Variants in NELL1 observed in about 807,000 individuals in gnomAD.
NELL1 encodes the protein neural EGFL like 1.
Under a neutral mutation model 107.4 loss-of-function variants are expected in NELL1, and 76 were observed. That is an observed-to-expected ratio of 0.71 (90% CI 0.59 to 0.86). NELL1 has a LOEUF of 0.86. Among genes scored for constraint, NELL1 ranks in the 40% least tolerant of loss-of-function variants. The probability of loss-of-function intolerance (pLI) is 0.00; values close to 1 mark genes in which losing one functional copy is unlikely to be tolerated. For synonymous variants in NELL1, 353 were observed against 341.2 expected, an observed-to-expected ratio of 1.03 and a Z score of -0.38; for missense variants, 1,024 against 1,005.5, an observed-to-expected ratio of 1.02 and a Z score of -0.25.
chr11:20,739,648 G>A (rs530045014), intron 2 of NELL1, among the ~76,000 whole-genome samples: 7 of 152,286 alleles, frequency 4.6e-5, no homozygotes, highest in South Asian at 4.1e-4. Context: ...GACCTGCAAT[G>A]GGATTTGGGT....
chr11:21,371,894 G>A (rs1273143171), intron 15 of NELL1, among the ~76,000 whole-genome samples: 2 of 151,914 alleles, frequency 1.3e-5, no homozygotes, highest in African/African-American at 4.8e-5. Context: ...TCTGAATTTA[G>A]ATAACATTTT....
intron 12 of NELL1, among the ~76,000 whole-genome samples, chr11:21,083,289 G>A (rs1854311690): frequency 1.3e-5 from 2 of 152,282 alleles, no homozygotes; most frequent in Middle Eastern, 3.4e-3. Flanking sequence ...TACTCATATG[G>A]CATCAAATGG....
chr11:21,575,004 G>GTGTC lies in NELL1; in HGVS notation c.2417_2420dup (p.Gln808SerfsTer4). 3 of 1,610,688 alleles carry GTGTC rather than the reference G, an allele frequency of 1.9e-6. No homozygotes were observed. Among genetic ancestry groups the GTGTC allele is most frequent in the Non-Finnish European group, 1.7e-6 (2 of 1,177,780 alleles). On this transcript the variant is annotated frameshift_variant, in exon 20 of 20. Coordinates refer to ENST00000357134, the MANE Select transcript of NELL1 (RefSeq NM_006157.5). LOFTEE classifies it high-confidence loss of function. ...GAGTCTGTTGTTCTGTGGATTTTGA[G>GTGTC]TGTCTTCAAAATAATTGAAGTATTT...
intron 15 of NELL1, among the ~76,000 whole-genome samples, chr11:21,485,521 G>A (rs770632380): frequency 6.6e-6 from 1 of 151,954 alleles, no homozygotes; most frequent in Non-Finnish European, 1.5e-5. Flanking sequence ...GAAGGGAGAA[G>A]GGAAGCTAGG....
At chr11:21,421,892 G>T (rs1213076837) in intron 15 of NELL1, among the ~76,000 whole-genome samples, 5 of 152,108 alleles carry the variant, frequency 3.3e-5, no homozygotes, top group Admixed American at 3.3e-4. Flanking sequence ...CTGGAAAGCG[G>T]CAAGAGAGAA....
intron 14 of NELL1, among the ~76,000 whole-genome samples, chr11:21,239,188 G>T (rs931822720): frequency 6.6e-6 from 1 of 151,852 alleles, no homozygotes; most frequent in Admixed American, 6.6e-5. Flanking sequence ...AGAACCTATG[G>T]TGTTTCTTGC....
intron 3 of NELL1, among the ~76,000 whole-genome samples, chr11:20,834,230 A>G (rs1848489214): frequency 1.3e-5 from 2 of 152,194 alleles, no homozygotes; most frequent in African/African-American, 4.8e-5. Flanking sequence ...TTGGAACAGA[A>G]GCGATAGAAC....
At chr11:21,569,334 T>C (rs11600099) in intron 17 of NELL1, among the ~76,000 whole-genome samples, 1 of 151,908 alleles carries the variant, frequency 6.6e-6, no homozygotes, top group Admixed American at 6.6e-5. Context: ...CTCAGCTACC[T>C]CATTTGAGAA....
chr11:20,682,434 C>T (rs558581647), intron 2 of NELL1, among the ~76,000 whole-genome samples: 3 of 151,918 alleles, frequency 2.0e-5, no homozygotes, highest in Admixed American at 6.6e-5. Context: ...GTATTTTACA[C>T]TTAAAACACA....
At chr11:21,321,490 A>G (rs1850009602) in intron 14 of NELL1, among the ~76,000 whole-genome samples, 1 of 152,172 alleles carries the variant, frequency 6.6e-6, no homozygotes. Flanking sequence ...TATAAATGTT[A>G]TCTTAAAAAA....
intron 3 of NELL1, among the ~76,000 whole-genome samples, chr11:20,828,516 AG>A (rs1395687862): frequency 6.6e-6 from 1 of 152,186 alleles, no homozygotes; most frequent in Non-Finnish European, 1.5e-5. Flanking sequence ...AATTTAACCT[AG>A]GGAGCTTGTT....
intron 15 of NELL1, among the ~76,000 whole-genome samples, chr11:21,397,494 C>T (rs1179265172): frequency 2.0e-5 from 3 of 151,342 alleles, no homozygotes; most frequent in South Asian, 4.2e-4. Context: ...CTAGTATTTC[C>T]GTGTACGTAC....
At chr11:21,187,923 G>A (rs891498131) in intron 13 of NELL1, among the ~76,000 whole-genome samples, 5 of 151,838 alleles carry the variant, frequency 3.3e-5, no homozygotes, top group Admixed American at 2.0e-4. Context: ...AATCTTATCT[G>A]ACTTTTAGAA....
chr11:21,484,294 G>A (rs940432185), intron 15 of NELL1, among the ~76,000 whole-genome samples: 10 of 150,956 alleles, frequency 6.6e-5, no homozygotes, highest in Non-Finnish European at 1.5e-4. Context: ...ATCTCCTTAT[G>A]CCCCGAGAAA....
chr11:21,501,714 G>A (rs1158466687), intron 15 of NELL1, among the ~76,000 whole-genome samples: 2 of 152,188 alleles, frequency 1.3e-5, no homozygotes, highest in Non-Finnish European at 2.9e-5. Flanking sequence ...TAATGCAATG[G>A]AGTAGGTTTT....
intron 15 of NELL1, among the ~76,000 whole-genome samples, chr11:21,403,372 C>G (rs1015259096): frequency 3.3e-5 from 5 of 151,676 alleles, no homozygotes; most frequent in African/African-American, 1.2e-4. Flanking sequence ...GAAATCCAAT[C>G]CAACCTATCT....
intron 14 of NELL1, among the ~76,000 whole-genome samples, chr11:21,337,749 TTTC>T (rs2133696667): frequency 7.4e-6 from 1 of 134,668 alleles, no homozygotes; most frequent in East Asian, 2.2e-4. Flanking sequence ...TCTTTCTTTC[TTTC>T]TTTCTTTCTT....
chr11:21,168,966 C>G (rs191995994), intron 13 of NELL1, among the ~76,000 whole-genome samples: 68 of 152,020 alleles, frequency 4.5e-4, no homozygotes, highest in Admixed American at 1.4e-3. Context: ...GTGCATATGA[C>G]TCAATTCTGT....
intron 15 of NELL1, among the ~76,000 whole-genome samples, chr11:21,520,936 G>C (rs183766900): frequency 2.0e-4 from 31 of 152,276 alleles, no homozygotes; most frequent in African/African-American, 7.5e-4. Context: ...CTGCCTCAGG[G>C]CAAATTTAGA....
Sources: gnomAD v4.1 joint callset for allele counts (sites outside exome capture counted in the v4.1 genomes callset) on GRCh38, gnomAD v4.1.1 for gene constraint, MANE v1.5 for transcripts, NCBI Gene and HGNC (gene_info 2026-07-23, HGNC 2026-07-21) for gene names.